Variants in MCF2L observed in about 807,000 individuals in gnomAD.
The protein encoded by MCF2L is MCF.2 cell line derived transforming sequence like.
In MCF2L, 97 loss-of-function variants were observed where a neutral mutation model predicts 153.4. The ratio of observed to expected loss-of-function variants is 0.63; its 90% CI spans 0.54 to 0.75. MCF2L has a LOEUF of 0.75. Ranked by LOEUF, MCF2L falls within the 30% of genes least tolerant of loss-of-function variation. The pLI is 0.00. For missense variants in MCF2L, 1,347 were observed against 1,495.2 expected (o/e 0.90, Z 1.64); for synonymous variants, 659 against 632.2 (o/e 1.04, Z -0.64).
Position 113,096,914 on chromosome 13 carries a change from A to G in MCF2L, c.*55A>G, listed in dbSNP as rs372363273. On this transcript the variant is annotated 3_prime_UTR_variant, in exon 30 of 30. Coordinates refer to ENST00000535094, the MANE Select transcript of MCF2L (RefSeq NM_001112732.3). ...TGTCTGGGGCTGCGGTGGCGTGGGG[A>G]GGGCGCGGCCCCCGGACGCCCCGAG... 3.6e-4 allele frequency: 438 copies of G among 1,224,844 alleles called. 3 individuals are homozygous for G. In the African/African-American group the frequency reaches 6.2e-3, roughly 17 times the overall value. The allele number at this position is 1,224,844 out of a possible 1,614,324, so 75.9% of individuals were successfully genotyped here. A position where few individuals can be genotyped will look rare whatever the true frequency, so the allele number is the denominator to read the frequency against.
intron 2 of MCF2L, among the ~76,000 whole-genome samples, chr13:112,949,690 T>TA (rs59067978): frequency 1.9e-3 from 273 of 145,530 alleles, no homozygotes; most frequent in African/African-American, 4.5e-3. Context: ...CATTCATGAT[T>TA]AAAAAAAAAA....
intron 18 of MCF2L, chr13:113,084,662 G>A (rs2034461715): frequency 1.7e-6 from 1 of 575,752 alleles, no homozygotes; most frequent in Middle Eastern, 4.6e-4. Context: ...GGGAAGTCAG[G>A]GGCTCTGGGA....
chr13:113,066,737 C>G (rs1370283572), intron 8 of MCF2L, among the ~76,000 whole-genome samples: 1 of 151,788 alleles, frequency 6.6e-6, no homozygotes, highest in Non-Finnish European at 1.5e-5. Context: ...TCCCATCCTC[C>G]CCAAGACTCC....
intron 2 of MCF2L, among the ~76,000 whole-genome samples, chr13:112,952,651 A>G (rs1366297839): frequency 1.3e-5 from 2 of 152,320 alleles, no homozygotes; most frequent in African/African-American, 4.8e-5. Flanking sequence ...AATAAGCAAT[A>G]AAATGAAGGG....
chr13:113,094,283 G>A (rs543537891), intron 26 of MCF2L: 50 of 310,226 alleles, frequency 1.6e-4, no homozygotes, highest in African/African-American at 7.0e-4. Context: ...CCACAGGGTG[G>A]CCCAGCAATT....
intron 16 of MCF2L, 79 bp from the exon 17 acceptor site, chr13:113,082,348 G>A (rs1405811304): frequency 7.4e-6 from 6 of 811,562 alleles, no homozygotes; most frequent in South Asian, 6.9e-5. Flanking sequence ...GCCCACAGAT[G>A]AGCCGGCATC....
intron 4 of MCF2L, among the ~76,000 whole-genome samples, chr13:113,060,138 C>T (rs921567813): frequency 6.6e-6 from 1 of 152,222 alleles, no homozygotes; most frequent in African/African-American, 2.4e-5. Context: ...GAAGCACCGC[C>T]CCGGCCTCCA....
chr13:112,942,051 G>A (rs185385943), intron 2 of MCF2L, among the ~76,000 whole-genome samples: 43 of 152,322 alleles, frequency 2.8e-4, no homozygotes, highest in African/African-American at 9.9e-4. Context: ...TTAGCAGACC[G>A]GGAAAGGGAG....
chr13:112,908,706 A>G (rs138345710), intron 2 of MCF2L, among the ~76,000 whole-genome samples: 1 of 150,472 alleles, frequency 6.6e-6, no homozygotes, highest in Non-Finnish European at 1.5e-5. Context: ...CACAAACACC[A>G]GGCTCATGTT....
At chr13:112,895,373 A>C (rs1439966565) in intron 1 of MCF2L, among the ~76,000 whole-genome samples, 1 of 152,152 alleles carries the variant, frequency 6.6e-6, no homozygotes, top group Non-Finnish European at 1.5e-5. Flanking sequence ...ATGTGTGGCC[A>C]CGGGGACCGA....
chr13:113,030,122 T>C (rs2141347694), intron 3 of MCF2L, among the ~76,000 whole-genome samples: 1 of 152,308 alleles, frequency 6.6e-6, no homozygotes, highest in South Asian at 2.1e-4. Context: ...TTGGGGCACC[T>C]GTTAATATAA....
intron 2 of MCF2L, among the ~76,000 whole-genome samples, chr13:113,021,978 G>T (rs948046559): frequency 6.6e-6 from 1 of 152,178 alleles, no homozygotes; most frequent in Admixed American, 6.5e-5. Context: ...TTTCAGCTCC[G>T]GGTCACCTGG....
In MCF2L at chr13:113,044,668, C is replaced by G. The variant is rs1204083155; in HGVS notation, c.279-603C>G. On this transcript the variant is annotated intron_variant, in intron 3 of 29. Coordinates refer to ENST00000535094, the MANE Select transcript of MCF2L (RefSeq NM_001112732.3). ...TGTGACTCAGGCTTCTACTACCAGG[C>G]TCATCCGAGGACGGAGGCTGTCGTT... 1.9e-6 allele frequency: 3 copies of G among 1,611,974 alleles called. No homozygotes were observed. The African/African-American group carries it at 4.0e-5, about 22-fold the overall frequency.
At chr13:112,899,400 C>T (rs745706913) in intron 1 of MCF2L, among the ~76,000 whole-genome samples, 3 of 152,122 alleles carry the variant, frequency 2.0e-5, no homozygotes, top group Non-Finnish European at 4.4e-5. Flanking sequence ...TCAGGCCGGT[C>T]TTGGGATTTT....
chr13:112,902,965 G>A (rs2081134345), intron 2 of MCF2L, among the ~76,000 whole-genome samples: 1 of 152,192 alleles, frequency 6.6e-6, no homozygotes, highest in South Asian at 2.1e-4. Context: ...CTGTCTGAAT[G>A]TTCTGCATGT....
At chr13:113,089,087 T>C (rs1344920514) in intron 25 of MCF2L, among the ~76,000 whole-genome samples, 1 of 152,026 alleles carries the variant, frequency 6.6e-6, no homozygotes, top group African/African-American at 2.4e-5. Flanking sequence ...TTATATAAGC[T>C]ACCTTTAATC....
chr13:113,043,656 G>T (rs1166242973), intron 3 of MCF2L: 2 of 152,272 alleles, frequency 1.3e-5, no homozygotes, highest in African/African-American at 4.8e-5. Flanking sequence ...AGTCGTCAAA[G>T]TGCTCAGACT....
chr13:113,033,639 C>A (rs1420646679), intron 3 of MCF2L, among the ~76,000 whole-genome samples: 3 of 152,272 alleles, frequency 2.0e-5, no homozygotes, highest in South Asian at 4.1e-4. Flanking sequence ...GATTTCCCCC[C>A]CCCACCCCAA....
At chr13:113,066,421 A>G (rs2032371422) in intron 8 of MCF2L, among the ~76,000 whole-genome samples, 1 of 152,138 alleles carries the variant, frequency 6.6e-6, no homozygotes, top group Non-Finnish European at 1.5e-5. Flanking sequence ...CCTAGAGCAA[A>G]CGCCCTTTTG....
Sources: gnomAD v4.1 joint callset for allele counts (sites outside exome capture counted in the v4.1 genomes callset) on GRCh38, gnomAD v4.1.1 for gene constraint, MANE v1.5 for transcripts, NCBI Gene and HGNC (gene_info 2026-07-23, HGNC 2026-07-21) for gene names.